Variants in COL6A2 observed in about 807,000 individuals in gnomAD.
COL6A2 encodes the protein collagen alpha-2(VI) chain.
In COL6A2, 90 loss-of-function variants were observed where a neutral mutation model predicts 124.9. The observed-to-expected ratio is 0.72, with a 90% CI of 0.61 to 0.86. COL6A2 has a LOEUF of 0.86. COL6A2 is among the 40% of genes least tolerant of loss of function. COL6A2 has a pLI of 0.00. For synonymous variants in COL6A2, 793 were observed against 618.2 expected (o/e 1.28, Z -4.19); for missense variants, 1,607 against 1,502.5 (o/e 1.07, Z -1.15).
intron 14 of COL6A2, 131 bp downstream of exon 14, chr21:46,119,250 A>G: frequency 4.0e-6 from 3 of 755,892 alleles, no homozygotes; most frequent in Admixed American, 2.2e-5. Context: ...CCAGGCCCCC[A>G]TCCTCCCAAG....
intron 21 of COL6A2, among the ~76,000 whole-genome samples, chr21:46,123,707 G>A (rs1352743955): frequency 1.3e-5 from 2 of 150,442 alleles, no homozygotes; most frequent in Non-Finnish European, 3.0e-5. Context: ...GTGGGTAGAT[G>A]GATGGGTGGG....
chr21:46,114,889 A>G (rs753781066), intron 5 of COL6A2, among the ~76,000 whole-genome samples: 1 of 152,274 alleles, frequency 6.6e-6, no homozygotes, highest in South Asian at 2.1e-4. Context: ...GCTTCTAAGG[A>G]GATGAAATAA....
intron 1 of COL6A2, among the ~76,000 whole-genome samples, chr21:46,106,646 A>G (rs916449444): frequency 6.6e-6 from 1 of 152,108 alleles, no homozygotes; most frequent in African/African-American, 2.4e-5. Context: ...GTGAGGTAGT[A>G]CCTTTATTTC....
At chr21:46,110,692 C>G (rs1194615391) in intron 1 of COL6A2, among the ~76,000 whole-genome samples, 1 of 151,724 alleles carries the variant, frequency 6.6e-6, no homozygotes, top group East Asian at 1.9e-4. Context: ...CTGCATTACC[C>G]CTGGAACTGC....
chr21:46,119,271 G>A (rs991288931), intron 14 of COL6A2, 152 bp downstream of exon 14: 17 of 687,708 alleles, frequency 2.5e-5, no homozygotes, highest in Admixed American at 7.2e-5. Flanking sequence ...AAGTGGACCC[G>A]GACCACCCCA....
chr21:46,122,479 TTC>T lies in COL6A2; in HGVS notation c.1573-15_1573-14del. 6.2e-7 allele frequency: 1 copy of T among 1,612,832 alleles called. No homozygotes were observed. The highest frequency in any genetic ancestry group is 8.5e-7 in the Non-Finnish European group (1 of 1,179,978). On this transcript the variant is annotated splice_polypyrimidine_tract_variant and intron_variant, in intron 19 of 27. Coordinates refer to ENST00000300527, the MANE Select transcript of COL6A2 (RefSeq NM_001849.4). Reference sequence around the variant, plus strand: ...GGATCTGAGGCTGAGTCACCCTGGCTTCTGTTTGCTTCACAGGGAGAAAAAGG... The same window carrying T: ...GGATCTGAGGCTGAGTCACCCTGGCTTGTTTGCTTCACAGGGAGAAAAAGG...
At chr21:46,117,500 G>C (rs765070050) in intron 11 of COL6A2, 47 bp downstream of exon 11, 2 of 1,593,164 alleles carry the variant, frequency 1.3e-6, no homozygotes, top group Non-Finnish European at 8.6e-7. Flanking sequence ...CAGGGGGTGT[G>C]GGTGCCTGAC....
rs753298014 is a variant in COL6A2, at chr21:46,125,823, A to G, written c.2008A>G (p.Thr670Ala). Reference sequence around the variant, plus strand: ...CGTGGTGCAGTACAGCCACGAGGGCACCTTTGAGGCCATCCAGCTGGACGA... The same window carrying G: ...CGTGGTGCAGTACAGCCACGAGGGCGCCTTTGAGGCCATCCAGCTGGACGA... ...VGVVQYSHEGTFEAIQLDDER... is the reference protein window; with the variant it reads ...VGVVQYSHEGAFEAIQLDDER... The change falls in exon 26 of 28, where the codon ACC becomes GCC. Residue 670 changes from threonine (T) to alanine (A), a missense_variant. Around this residue, in one of 3 missense-constraint regions of COL6A2, gnomAD observed 1,223 missense variants for 1,052.2 expected, o/e 1.16. Transcript: ENST00000300527. 72 of 1,612,380 alleles carry G rather than the reference A, an allele frequency of 4.5e-5. No individual in the cohort carries two copies. The highest frequency in any genetic ancestry group is 5.6e-5 in the Non-Finnish European group (66 of 1,179,836).
intron 10 of COL6A2, 61 bp from the exon 11 acceptor site, chr21:46,117,339 G>A (rs1428885105): frequency 2.6e-5 from 40 of 1,540,424 alleles, no homozygotes; most frequent in East Asian, 6.8e-5. Flanking sequence ...TGTCTTGGTC[G>A]TTGGCACACA....
intron 19 of COL6A2, 89 bp from the exon 20 acceptor site, chr21:46,122,407 G>A: frequency 6.4e-7 from 1 of 1,552,576 alleles, no homozygotes; most frequent in Non-Finnish European, 8.9e-7. Context: ...GAGCGAGGGA[G>A]GGAAACGGGG....
At position 46,128,018 on chromosome 21, in the gene COL6A2, G is replaced by A. The variant is rs2078700117; in HGVS notation, c.2461+1477G>A. 2.6e-5 allele frequency among the ~76,000 whole-genome samples: 4 copies of A among 152,192 alleles called. No individual in the cohort carries two copies. The South Asian group carries it at 6.2e-4, about 24-fold the overall frequency. Reference sequence around the variant, plus strand: ...GCCTGCCTGAGGGTTTGCGCTTATCGGCGACATCAGCCTGCACTTTTCTTT... The same window carrying A: ...GCCTGCCTGAGGGTTTGCGCTTATCAGCGACATCAGCCTGCACTTTTCTTT... On this transcript the variant is annotated intron_variant, in intron 27 of 27. Coordinates refer to ENST00000300527, the MANE Select transcript of COL6A2 (RefSeq NM_001849.4).
At position 46,128,962 on chromosome 21, in the gene COL6A2, G is replaced by A. The variant is rs760987445; in HGVS notation, c.2461+2421G>A. 5 of 1,610,286 alleles carry A rather than the reference G, an allele frequency of 3.1e-6. No homozygotes were observed. The African/African-American group carries it at 5.3e-5, about 17-fold the overall frequency. On this transcript the variant is annotated intron_variant, in intron 27 of 27. Transcript: ENST00000300527. Reference sequence around the variant, plus strand: ...CTCGGGGTCCGTGGTGTCCCCCAAAGGTGCCACCGTGCGGGTCTCCTAGCT... The same window carrying A: ...CTCGGGGTCCGTGGTGTCCCCCAAAAGTGCCACCGTGCGGGTCTCCTAGCT...
In COL6A2 at chr21:46,125,486, C is replaced by G. The variant is rs929008624; in HGVS notation, c.1838C>G (p.Ala613Gly). The G allele has an allele frequency of 2.5e-6, 4 of 1,612,876 alleles. No individual in the cohort carries two copies. The highest frequency in any genetic ancestry group is 3.4e-6 in the Non-Finnish European group (4 of 1,179,894). ...GCCDCEKRCG[A>G]LDVVFVIDSS... The stretch of plus-strand genomic sequence containing the variant: ...CCAGACTGTGAGAAGCGCTGTGGCG[C>G]CCTGGACGTGGTCTTCGTCATCGAC... The change falls in exon 25 of 28, where the codon GCC becomes GGC. Residue 613 changes from alanine to glycine, a missense_variant. Physicochemically the swap from Ala to Gly is moderately conservative, Grantham distance 60. This residue lies in a region of COL6A2 where 1,223 missense variants were observed against 1,052.2 expected (regional missense o/e 1.16). Transcript: ENST00000300527.
At chr21:46,124,171 A>G (rs2078620608) in intron 21 of COL6A2, among the ~76,000 whole-genome samples, 1 of 146,134 alleles carries the variant, frequency 6.8e-6, no homozygotes, top group Admixed American at 6.8e-5. Context: ...GGGTGGGTGG[A>G]CAGAGGATGG....
At chr21:46,122,777 C>A in intron 20 of COL6A2, 98 bp from the exon 21 acceptor site, 1 of 1,304,968 alleles carries the variant, frequency 7.7e-7, no homozygotes, top group East Asian at 2.3e-5. Context: ...TTAAAGGACC[C>A]CAAAATGCCA....
intron 27 of COL6A2, 102 bp downstream of exon 27, chr21:46,126,643 G>T: frequency 7.1e-7 from 1 of 1,400,998 alleles, no homozygotes; most frequent in African/African-American, 1.4e-5. Context: ...GCAGGGACCC[G>T]GGGGGCGGCG....
At chr21:46,130,313 C>T (rs1046387696) in intron 27 of COL6A2, among the ~76,000 whole-genome samples, 4 of 152,230 alleles carry the variant, frequency 2.6e-5, no homozygotes, top group Non-Finnish European at 4.4e-5. Flanking sequence ...GAGGACTGAG[C>T]AGAGAATCCC....
Position 46,132,674 on chromosome 21 carries a change from T to G in COL6A2, c.*122T>G, listed in dbSNP as rs2123456679. 3 of 1,019,736 alleles carry G rather than the reference T, an allele frequency of 2.9e-6. No homozygotes were observed. Among genetic ancestry groups the G allele is most frequent in the South Asian group, 1.4e-5 (1 of 71,504 alleles). 63.2% of individuals were successfully genotyped at this position (1,019,736 alleles called of 1,614,324 possible). A position where few individuals can be genotyped will look rare whatever the true frequency, so the allele number is the denominator to read the frequency against. On this transcript the variant is annotated 3_prime_UTR_variant, in exon 28 of 28. Transcript: ENST00000300527. ...TCGGACGACGCCCTGGGCCTGCACCTCTCCAGCTCCTCCCACGGGGTCCCC... is the reference window on the plus strand; with the variant it reads ...TCGGACGACGCCCTGGGCCTGCACCGCTCCAGCTCCTCCCACGGGGTCCCC...
chr21:46,125,112 C>T (rs1477569160), intron 23 of COL6A2, among the ~76,000 whole-genome samples, 154 bp from the exon 24 acceptor site: 1 of 152,066 alleles, frequency 6.6e-6, no homozygotes, highest in Non-Finnish European at 1.5e-5. Flanking sequence ...AGGAGGGTGG[C>T]AGCGAGGTTG....
Sources: gnomAD v4.1 joint callset for allele counts (sites outside exome capture counted in the v4.1 genomes callset) on GRCh38, gnomAD v4.1.1 for gene constraint, gnomAD v4.1.1 regional missense constraint, MANE v1.5 for transcripts, NCBI Gene and HGNC (gene_info 2026-07-23, HGNC 2026-07-21) for gene names.